FARSB: variants seen among roughly 807,000 people sequenced by gnomAD.
FARSB encodes the protein phenylalanyl-tRNA synthetase subunit beta.
Under a neutral mutation model 69.6 loss-of-function variants are expected in FARSB, and 40 were observed. The observed-to-expected ratio is 0.57, with a 90% CI of 0.45 to 0.75. FARSB has a LOEUF of 0.75. Ranked by LOEUF, FARSB falls within the 30% of genes least tolerant of loss-of-function variation. The probability of loss-of-function intolerance (pLI) is 0.00; values close to 1 mark genes in which losing one functional copy is unlikely to be tolerated. For synonymous variants in FARSB, 235 were observed against 247.2 expected (o/e 0.95, Z 0.46); for missense variants, 632 against 722.9 (o/e 0.87, Z 1.44).
rs561102118 is a variant in FARSB at position 222,627,124 on chromosome 2, T to C, written c.900+1713A>G. Among the ~76,000 whole-genome samples the C allele has an allele frequency of 5.9e-5, 9 of 152,308 alleles. No individual in the cohort carries two copies. In the South Asian group the frequency reaches 8.3e-4, roughly 14 times the overall value. On this transcript the variant is annotated intron_variant, in intron 10 of 16. Transcript: ENST00000281828. ...AAAAGCTATGTCCAGCTAATCCCAATTGCTACTGTCATAAACTGCAAAAAT... is the reference window on the plus strand; with the variant it reads ...AAAAGCTATGTCCAGCTAATCCCAACTGCTACTGTCATAAACTGCAAAAAT...
intron 2 of FARSB, among the ~76,000 whole-genome samples, 153 bp downstream of exon 2, chr2:222,648,587 A>C (rs201324283): frequency 6.6e-6 from 1 of 152,254 alleles, no homozygotes; most frequent in African/African-American, 2.4e-5. Flanking sequence ...ACAGACAGAC[A>C]TGGAGCTTAG....
chr2:222,650,997 A>T (rs1266050027), intron 1 of FARSB, among the ~76,000 whole-genome samples: 1 of 152,244 alleles, frequency 6.6e-6, no homozygotes, highest in Admixed American at 6.5e-5. Flanking sequence ...AGTCCCTGGA[A>T]GTGGTGTACT....
intron 16 of FARSB, among the ~76,000 whole-genome samples, chr2:222,578,083 T>C (rs1382961081): frequency 6.6e-6 from 1 of 152,232 alleles, no homozygotes; most frequent in Non-Finnish European, 1.5e-5. Flanking sequence ...TCAGTCTGTT[T>C]TGAAAACTTC....
rs142056904 is a variant in FARSB, at chr2:222,573,235, T to G, written c.1619-1213A>C. 1.5e-3 allele frequency among the ~76,000 whole-genome samples: 230 copies of G among 152,228 alleles called. 1 individual carries two copies. The highest frequency in any genetic ancestry group is 0.013 in the Admixed American group (199 of 15,292). On this transcript the variant is annotated intron_variant, in intron 16 of 16. Coordinates refer to ENST00000281828, the MANE Select transcript of FARSB (RefSeq NM_005687.5). ...TTGTTTATATTTCTGGGGAAAGAGC[T>G]GGAAAATATTCTAAATTGTCATTCT...
rs770799735 is a variant in FARSB at position 222,624,720 on chromosome 2, C to A, written c.956G>T (p.Gly319Val). The A allele has an allele frequency of 6.2e-7, 1 of 1,601,962 alleles. No homozygotes were observed. The highest frequency in any genetic ancestry group is 1.3e-5 in the African/African-American group (1 of 74,584). The change falls in exon 11 of 17, where the codon GGA becomes GTA. Residue 319 changes from glycine to valine, a missense_variant. By Grantham distance (109) the Gly-to-Val change is moderately radical (BLOSUM62 -3). Transcript: ENST00000281828. ...VRADLINKKV[G>V]IRETPENLAK... ...TGAAGTTTTCAGAGCATACCTGATT[C>A]CAACTTTTTTGTTAATTAGGTCAGC...
intron 13 of FARSB, among the ~76,000 whole-genome samples, chr2:222,620,079 G>A (rs1480237736): frequency 6.6e-6 from 1 of 152,072 alleles, no homozygotes; most frequent in Non-Finnish European, 1.5e-5. Context: ...CCCTTCCTAA[G>A]CTAGTTTCCC....
At chr2:222,586,198 C>T (rs1454511109) in intron 16 of FARSB, among the ~76,000 whole-genome samples, 2 of 152,148 alleles carry the variant, frequency 1.3e-5, no homozygotes, top group Non-Finnish European at 2.9e-5. Context: ...AGAGTGGGGG[C>T]AAATATTCAA....
intron 15 of FARSB, among the ~76,000 whole-genome samples, chr2:222,602,192 G>A (rs1690578381): frequency 6.6e-6 from 1 of 152,204 alleles, no homozygotes; most frequent in East Asian, 1.9e-4. Context: ...AAACTTATGG[G>A]AACAGAGAAC....
intron 5 of FARSB, among the ~76,000 whole-genome samples, chr2:222,634,950 G>A (rs1289163051): frequency 6.6e-6 from 1 of 152,094 alleles, no homozygotes; most frequent in Non-Finnish European, 1.5e-5. Context: ...ATCGAATTGT[G>A]GGTTTTTTGG....
chr2:222,631,512 CA>C, intron 8 of FARSB, 91 bp downstream of exon 8: 1 of 751,030 alleles, frequency 1.3e-6, no homozygotes, highest in Non-Finnish European at 2.4e-6. Flanking sequence ...CTACAAAATG[CA>C]CATATTTTAA....
intron 15 of FARSB, among the ~76,000 whole-genome samples, chr2:222,603,133 C>T (rs1454547932): frequency 2.0e-5 from 3 of 152,066 alleles, no homozygotes; most frequent in East Asian, 1.9e-4. Context: ...TTCTGGAGAC[C>T]GCTGCTCTAA....
At chr2:222,650,349 A>T (rs1017438962) in intron 1 of FARSB, among the ~76,000 whole-genome samples, 2 of 152,216 alleles carry the variant, frequency 1.3e-5, no homozygotes, top group Admixed American at 6.5e-5. Flanking sequence ...TTAGATCTGC[A>T]TTCTAAAGAC....
chr2:222,647,918 G>A (rs1691912167), intron 2 of FARSB, among the ~76,000 whole-genome samples: 3 of 152,158 alleles, frequency 2.0e-5, no homozygotes, highest in Non-Finnish European at 1.5e-5. Context: ...TGGAGGGCTT[G>A]GTAAAAGGTT....
At chr2:222,626,243 CAAAAA>C (rs36117232) in intron 10 of FARSB, among the ~76,000 whole-genome samples, 2 of 56,972 alleles carry the variant, frequency 3.5e-5, no homozygotes, top group African/African-American at 6.6e-5. Context: ...GACTCCATCT[CAAAAA>C]AAAAAAAAAA....
chr2:222,580,698 C>A (rs1030567527), intron 16 of FARSB, among the ~76,000 whole-genome samples: 1 of 151,694 alleles, frequency 6.6e-6, no homozygotes, highest in Non-Finnish European at 1.5e-5. Flanking sequence ...AAAAATTCCA[C>A]TGGTAGGAAA....
intron 15 of FARSB, among the ~76,000 whole-genome samples, chr2:222,612,317 G>A (rs1232687553): frequency 6.6e-6 from 1 of 152,138 alleles, no homozygotes; most frequent in Non-Finnish European, 1.5e-5. Context: ...TATGGCTCCA[G>A]CTCCAAGTTC....
chr2:222,570,823 C>CCTT lies in FARSB; in HGVS notation c.*1045_*1047dup, dbSNP rs1369781772. The CCTT allele has an allele frequency of 1.3e-5, 2 of 152,016 alleles. No individual in the cohort carries two copies. The highest frequency in any genetic ancestry group is 4.8e-5 in the African/African-American group (2 of 41,386). 9.4% of individuals were successfully genotyped at this position (152,016 alleles called of 1,614,324 possible). ...CAGGCATGAGCCACAGCGCACCCAG[C>CCTT]CTTTGTTAGCTATTTCTACTGGGAC... On this transcript the variant is annotated 3_prime_UTR_variant, in exon 17 of 17. Transcript: ENST00000281828.
chr2:222,639,585 A>G lies in FARSB; in HGVS notation c.450T>C (p.Ile150=). ...IELQEKLHQN[I]CRKRALVAIG... ...AAGAAAATGCAACCACAAACCTGCA[A>G]ATATTCTGATGTAATTTCTCCTGAA... The change falls in exon 5 of 17, where the codon ATT becomes ATC. Residue 150 remains isoleucine (I), a synonymous_variant. Transcript: ENST00000281828. 6.6e-7 allele frequency: 1 copy of G among 1,521,396 alleles called. No homozygotes were observed. The allele number at this position is 1,521,396 out of a possible 1,614,324, so 94.2% of individuals were successfully genotyped here. A position where few individuals can be genotyped will look rare whatever the true frequency, so the allele number is the denominator to read the frequency against.
At chr2:222,619,607 G>GTTAA (rs1370251094) in intron 14 of FARSB, 38 bp downstream of exon 14, 1 of 1,026,302 alleles carries the variant, frequency 9.7e-7, no homozygotes, top group Non-Finnish European at 1.5e-6. Context: ...ACTACCTCTA[G>GTTAA]GTTTTTACAT....
Sources: gnomAD v4.1 joint callset for allele counts (sites outside exome capture counted in the v4.1 genomes callset) on GRCh38, gnomAD v4.1.1 for gene constraint, MANE v1.5 for transcripts, NCBI Gene and HGNC (gene_info 2026-07-23, HGNC 2026-07-21) for gene names.